The following EHBP1 variants were observed in gnomAD, a reference collection of about 807,000 sequenced individuals.
The protein encoded by EHBP1 is EH domain-binding protein 1.
A neutral mutation model predicts 144.0 loss-of-function variants in EHBP1; 55 were observed. That is an observed-to-expected ratio of 0.38 (90% CI 0.31 to 0.48). The LOEUF is 0.48. Among genes scored for constraint, EHBP1 ranks in the 20% least tolerant of loss-of-function variants. The pLI, the probability that EHBP1 is intolerant of heterozygous loss-of-function variation, is 0.98. For synonymous variants in EHBP1, 469 were observed against 472.7 expected, an observed-to-expected ratio of 0.99 and a Z score of 0.10; for missense variants, 1,200 against 1,364.2, an observed-to-expected ratio of 0.88 and a Z score of 1.90.
At chr2:62,814,087 T>C (rs2152543140) in intron 5 of EHBP1, among the ~76,000 whole-genome samples, 1 of 152,360 alleles carries the variant, frequency 6.6e-6, no homozygotes, top group Admixed American at 6.5e-5. Flanking sequence ...GGTGGAATGC[T>C]GTAGTTTGAA....
At chr2:62,879,633 T>A (rs2051221263) in intron 10 of EHBP1, among the ~76,000 whole-genome samples, 1 of 148,856 alleles carries the variant, frequency 6.7e-6, no homozygotes, top group South Asian at 2.1e-4. Context: ...AGAGAGAGCC[T>A]ATGAATACAG....
At chr2:62,978,424 A>G (rs2058813107) in intron 14 of EHBP1, among the ~76,000 whole-genome samples, 2 of 152,032 alleles carry the variant, frequency 1.3e-5, no homozygotes, top group African/African-American at 4.8e-5. Context: ...GATGGTCTCA[A>G]TCTCTTGACC....
intron 5 of EHBP1, among the ~76,000 whole-genome samples, chr2:62,810,829 A>G (rs2044939262): frequency 6.6e-6 from 1 of 152,260 alleles, no homozygotes; most frequent in Non-Finnish European, 1.5e-5. Flanking sequence ...AAACAACTGC[A>G]TAAAATAGTA....
At position 62,943,857 on chromosome 2, in the gene EHBP1, A is replaced by AT; in HGVS notation, c.1413+9dup. ...TAAAGAGAACAACAAAAAGGTAAGA[A>AT]TTGATGAGCAAGAAAAATACGTAGT... On this transcript the variant is annotated splice_region_variant and intron_variant, in intron 12 of 22. Coordinates refer to ENST00000431489, the MANE Select transcript of EHBP1 (RefSeq NM_001142616.3). 6.3e-7 allele frequency: 1 copy of AT among 1,595,580 alleles called. No individual in the cohort carries two copies.
intron 2 of EHBP1, among the ~76,000 whole-genome samples, chr2:62,709,960 G>A (rs138639768): frequency 3.3e-5 from 5 of 152,210 alleles, no homozygotes; most frequent in Non-Finnish European, 5.9e-5. Flanking sequence ...ACATGAAGGG[G>A]CTTTAGCAAA....
intron 1 of EHBP1, among the ~76,000 whole-genome samples, chr2:62,675,041 G>A (rs1440972159): frequency 6.6e-6 from 1 of 152,170 alleles, no homozygotes; most frequent in Admixed American, 6.5e-5. Flanking sequence ...TCAGTGGGAT[G>A]GAGAGAACTA....
intron 2 of EHBP1, among the ~76,000 whole-genome samples, chr2:62,745,990 G>A (rs1032295493): frequency 3.3e-5 from 5 of 152,034 alleles, no homozygotes; most frequent in African/African-American, 4.8e-5. Context: ...AAGTACTGTC[G>A]AAATATAATT....
At chr2:62,789,506 T>C (rs2043033369) in intron 5 of EHBP1, among the ~76,000 whole-genome samples, 1 of 152,170 alleles carries the variant, frequency 6.6e-6, no homozygotes, top group South Asian at 2.1e-4. Flanking sequence ...CAGAATGTTA[T>C]AAAGGACGGT....
intron 10 of EHBP1, among the ~76,000 whole-genome samples, chr2:62,899,319 G>A (rs1001368730): frequency 5.9e-5 from 9 of 152,146 alleles, no homozygotes; most frequent in Non-Finnish European, 1.2e-4. Flanking sequence ...AGGCCCATGT[G>A]GAGAAAATAA....
At chr2:62,960,030 C>T (rs1394223462) in intron 14 of EHBP1, among the ~76,000 whole-genome samples, 1 of 152,010 alleles carries the variant, frequency 6.6e-6, no homozygotes, top group Admixed American at 6.5e-5. Context: ...TGAGAATTTA[C>T]AGGGGATTCA....
Position 63,045,737 on chromosome 2 carries a change from G to T in EHBP1, c.*237G>T, listed in dbSNP as rs562001937. The T allele has an allele frequency of 2.1e-6, 1 of 474,068 alleles. No individual in the cohort carries two copies. Among genetic ancestry groups the T allele is most frequent in the Non-Finnish European group, 3.8e-6 (1 of 260,856 alleles). 29.4% of individuals were successfully genotyped at this position (474,068 alleles called of 1,614,324 possible). A position where few individuals can be genotyped will look rare whatever the true frequency, so the allele number is the denominator to read the frequency against. On this transcript the variant is annotated 3_prime_UTR_variant, in exon 23 of 23. Coordinates refer to ENST00000431489, the MANE Select transcript of EHBP1 (RefSeq NM_001142616.3). The surrounding 1 kb of genome is among the most constrained non-coding windows in gnomAD (Gnocchi z 5.7). Reference sequence around the variant, plus strand: ...GAGTTAACAATTTCCTTGAAATCCTGTGAAATAGATTTGCACAGACACCTT... The same window carrying T: ...GAGTTAACAATTTCCTTGAAATCCTTTGAAATAGATTTGCACAGACACCTT...
At chr2:62,745,796 T>G (rs987883500) in intron 2 of EHBP1, among the ~76,000 whole-genome samples, 1 of 152,030 alleles carries the variant, frequency 6.6e-6, no homozygotes, top group Admixed American at 6.6e-5. Context: ...AGCATAGGCC[T>G]TGTTTAAAGG....
rs761004401 is a variant in EHBP1, at chr2:62,864,818, C to T, written c.845C>T (p.Pro282Leu). 1.7e-5 allele frequency: 28 copies of T among 1,613,878 alleles called. No homozygotes were observed. Among genetic ancestry groups the T allele is most frequent in the Non-Finnish European group, 2.4e-5 (28 of 1,179,988 alleles). Reference sequence around the variant, plus strand: ...AATCCCTTTAAAGAGGTGCAGACTCCACAGTATTTGAACCCATTCGATGAG... The same window carrying T: ...AATCCCTTTAAAGAGGTGCAGACTCTACAGTATTTGAACCCATTCGATGAG... Reference protein sequence around the residue: ...SYNPFKEVQTPQYLNPFDEPE... With the variant: ...SYNPFKEVQTLQYLNPFDEPE... Residue 282 changes from proline (P) to leucine (L), a missense_variant, in exon 9 of 23, where the codon CCA becomes CTA. Physicochemically the swap from Pro to Leu is moderately conservative, Grantham distance 98. Around this residue, in one of 6 missense-constraint regions of EHBP1, gnomAD observed 266 missense variants for 262.4 expected, o/e 1.01. Coordinates refer to ENST00000431489, the MANE Select transcript of EHBP1 (RefSeq NM_001142616.3).
intron 5 of EHBP1, among the ~76,000 whole-genome samples, chr2:62,818,386 A>C (rs1011688634): frequency 6.6e-6 from 1 of 152,154 alleles, no homozygotes; most frequent in South Asian, 2.1e-4. Flanking sequence ...AAAACCTACC[A>C]TTGTGTTAGG....
chr2:62,975,725 A>C (rs930559580), intron 14 of EHBP1, among the ~76,000 whole-genome samples: 2 of 152,072 alleles, frequency 1.3e-5, no homozygotes, highest in South Asian at 2.1e-4. Context: ...CTCTACAAAA[A>C]TTAAAAAGAA....
chr2:62,729,188 T>G (rs2037141920), intron 2 of EHBP1, among the ~76,000 whole-genome samples: 1 of 148,716 alleles, frequency 6.7e-6, no homozygotes, highest in Non-Finnish European at 1.5e-5. Context: ...GAGTTTGTCC[T>G]TATTCTTTTT....
At chr2:63,039,366 A>G (rs543099861) in intron 21 of EHBP1, among the ~76,000 whole-genome samples, 2 of 152,260 alleles carry the variant, frequency 1.3e-5, no homozygotes, top group East Asian at 3.9e-4. Context: ...TAGTAATCCT[A>G]TGCATGGTTC....
chr2:62,824,521 A>G (rs1367690662), intron 5 of EHBP1, among the ~76,000 whole-genome samples: 1 of 152,006 alleles, frequency 6.6e-6, no homozygotes, highest in Non-Finnish European at 1.5e-5. Flanking sequence ...GCAACCAGGG[A>G]AAGAACACTT....
At chr2:62,793,184 T>G (rs116189493) in intron 5 of EHBP1, among the ~76,000 whole-genome samples, 3,506 of 152,184 alleles carry the variant, frequency 0.023, 53 homozygotes, top group Middle Eastern at 0.051. Flanking sequence ...AAAAGATGCC[T>G]TATGCCTAGG....
Sources: gnomAD v4.1 joint callset for allele counts (sites outside exome capture counted in the v4.1 genomes callset) on GRCh38, gnomAD v4.1.1 for gene constraint, gnomAD v4.1.1 regional missense constraint, Gnocchi (gnomAD v3.1) non-coding constraint, MANE v1.5 for transcripts, NCBI Gene and HGNC (gene_info 2026-07-23, HGNC 2026-07-21) for gene names.